Variants in CNIH3 observed in about 807,000 individuals in gnomAD.
CNIH3 encodes cornichon family AMPA receptor auxiliary protein 3, also known as protein cornichon homolog 3.
In CNIH3, 14 loss-of-function variants were observed where a neutral mutation model predicts 24.1. The ratio of observed to expected loss-of-function variants is 0.58; its 90% CI spans 0.38 to 0.91. The LOEUF is 0.91. Ranked by LOEUF, CNIH3 falls within the 40% of genes least tolerant of loss-of-function variation. CNIH3 has a pLI of 0.00. For synonymous variants in CNIH3, 68 were observed against 73.8 expected (o/e 0.92, Z 0.40); for missense variants, 178 against 196.8 (o/e 0.90, Z 0.57).
intron 3 of CNIH3, among the ~76,000 whole-genome samples, chr1:224,707,768 A>G (rs1385370721): frequency 6.6e-6 from 1 of 152,208 alleles, no homozygotes; most frequent in East Asian, 1.9e-4. Context: ...TCAAGTTCAG[A>G]CCTGGCAGGC....
intron 3 of CNIH3, among the ~76,000 whole-genome samples, chr1:224,563,051 A>G (rs895103596): frequency 6.6e-6 from 1 of 152,202 alleles, no homozygotes; most frequent in Non-Finnish European, 1.5e-5. Context: ...ACTCCTAGGT[A>G]TGGAAGTGCC....
chr1:224,727,903 A>G (rs867377677), intron 3 of CNIH3, among the ~76,000 whole-genome samples: 1 of 152,004 alleles, frequency 6.6e-6, no homozygotes, highest in Non-Finnish European at 1.5e-5. Context: ...TTTTTTCCCA[A>G]CCTCCAAAAG....
intron 1 of CNIH3, among the ~76,000 whole-genome samples, chr1:224,460,868 C>A (rs1675881793): frequency 6.6e-6 from 1 of 151,728 alleles, no homozygotes; most frequent in Non-Finnish European, 1.5e-5. Context: ...CTCCTGGGCA[C>A]AAACAGTCCT....
At chr1:224,656,548 C>CG (rs1240509456) in intron 1 of CNIH3, among the ~76,000 whole-genome samples, 11 of 151,872 alleles carry the variant, frequency 7.2e-5, no homozygotes, top group East Asian at 1.9e-4. Flanking sequence ...CGGCGGGCGG[C>CG]GGGGGGGCGG....
chr1:224,726,414 A>C (rs1045232068), intron 3 of CNIH3, among the ~76,000 whole-genome samples: 1 of 152,230 alleles, frequency 6.6e-6, no homozygotes, highest in Non-Finnish European at 1.5e-5. Context: ...CCAGGTGGAA[A>C]TGTTTGCCAG....
chr1:224,646,272 T>C (rs1385891495), intron 1 of CNIH3, among the ~76,000 whole-genome samples: 1 of 152,204 alleles, frequency 6.6e-6, no homozygotes, highest in Non-Finnish European at 1.5e-5. Flanking sequence ...TCTGCCAACC[T>C]AAAGAAAGAA....
At chr1:224,612,777 G>A (rs1682758726), upstream of CNIH3, among the ~76,000 whole-genome samples, 1 of 152,030 alleles carries the variant, frequency 6.6e-6, no homozygotes, top group South Asian at 2.1e-4. This position sits in a 1 kb window ranked among gnomAD's most constrained non-coding sequence, Gnocchi z 4.7. Context: ...CGAGGACTCC[G>A]TAAACAAGAA....
At chr1:224,554,639 A>G (rs2786561) in intron 3 of CNIH3, among the ~76,000 whole-genome samples, 7,295 of 151,544 alleles carry the variant, frequency 0.048, 546 homozygotes, top group African/African-American at 0.16. Flanking sequence ...ACTGGAGTGC[A>G]GTGGTGTGAT....
chr1:224,720,175 T>C (rs991889654), intron 3 of CNIH3, among the ~76,000 whole-genome samples: 3 of 152,150 alleles, frequency 2.0e-5, no homozygotes, highest in Non-Finnish European at 4.4e-5. Flanking sequence ...TTTTGTTTGT[T>C]AGGGCAAAAT....
chr1:224,680,492 A>G (rs1686347351), intron 1 of CNIH3, among the ~76,000 whole-genome samples: 1 of 152,154 alleles, frequency 6.6e-6, no homozygotes, highest in Admixed American at 6.5e-5. Flanking sequence ...TATTTCTATT[A>G]CTGTCAACTC....
At chr1:224,541,958 A>G (rs924737599), downstream of CNIH3, among the ~76,000 whole-genome samples, 1 of 152,164 alleles carries the variant, frequency 6.6e-6, no homozygotes, top group Non-Finnish European at 1.5e-5. Context: ...TTTAGATAAT[A>G]CTTTTCAGAA....
chr1:224,725,841 C>A (rs1688994637), intron 3 of CNIH3, among the ~76,000 whole-genome samples: 1 of 152,116 alleles, frequency 6.6e-6, no homozygotes, highest in Admixed American at 6.6e-5. Context: ...ACTTCTTTTC[C>A]TTTAGGGGTA....
At chr1:224,725,009 G>C (rs1333112128) in intron 3 of CNIH3, among the ~76,000 whole-genome samples, 1 of 152,060 alleles carries the variant, frequency 6.6e-6, no homozygotes, top group Non-Finnish European at 1.5e-5. Flanking sequence ...AGGAGTTCAA[G>C]ATCAGCCTGG....
chr1:224,651,485 C>T (rs1343755135), intron 1 of CNIH3, among the ~76,000 whole-genome samples: 1 of 152,186 alleles, frequency 6.6e-6, no homozygotes, highest in Non-Finnish European at 1.5e-5. Flanking sequence ...CAGCCACTGT[C>T]CCCTCCATTC....
At position 224,668,868 on chromosome 1, in the gene CNIH3, G is replaced by T. The variant is rs925889090; in HGVS notation, c.82-12090G>T. ...TCTGTGGCCCCAGTGTGCTTCATGC[G>T]CAGGGCCAGATGTAGTGCTGGTGGG... On this transcript the variant is annotated intron_variant, in intron 1 of 5. Coordinates refer to ENST00000272133, the MANE Select transcript of CNIH3 (RefSeq NM_152495.2). Among the ~76,000 whole-genome samples, 3 of 151,514 alleles carry T rather than the reference G, an allele frequency of 2.0e-5. No individual in the cohort carries two copies. The East Asian group carries it at 5.8e-4, about 29-fold the overall frequency.
At chr1:224,499,885 G>A (rs1405080273) in intron 1 of CNIH3, among the ~76,000 whole-genome samples, 12 of 145,992 alleles carry the variant, frequency 8.2e-5, no homozygotes, top group Admixed American at 6.9e-5. Context: ...GCAACATAGC[G>A]ACATCCTATC....
chr1:224,621,285 C>CG (rs1683265745), intron 1 of CNIH3, among the ~76,000 whole-genome samples: 1 of 152,226 alleles, frequency 6.6e-6, no homozygotes, highest in South Asian at 2.1e-4. Context: ...AAGATGTCTT[C>CG]ATGGTGGAGT....
intron 1 of CNIH3, among the ~76,000 whole-genome samples, chr1:224,517,318 C>T (rs79861832): frequency 6.6e-6 from 1 of 152,002 alleles, no homozygotes; most frequent in Non-Finnish European, 1.5e-5. Context: ...TTTCATAAAT[C>T]GGGATGCTGA....
At chr1:224,499,998 CTTTCTTT>C (rs548218616) in intron 1 of CNIH3, among the ~76,000 whole-genome samples, 255 of 151,640 alleles carry the variant, frequency 1.7e-3, no homozygotes, top group South Asian at 4.8e-3. Flanking sequence ...TAATTCCTTT[CTTTCTTT>C]TTTCTTTTTT....
Sources: allele counts gnomAD v4.1 joint callset (sites outside exome capture counted in the v4.1 genomes callset), GRCh38; gene constraint gnomAD v4.1.1; non-coding constraint Gnocchi (gnomAD v3.1); transcripts MANE v1.5; gene names NCBI Gene and HGNC (gene_info 2026-07-23, HGNC 2026-07-21).